The following PSMG2 variants were observed in gnomAD, a reference collection of about 807,000 sequenced individuals.
The protein encoded by PSMG2 is CD40 ligand-activated specific transcript 3.
In PSMG2, 21 loss-of-function variants were observed where a neutral mutation model predicts 31.5. That is an observed-to-expected ratio of 0.67 (90% confidence interval 0.47 to 0.96). The LOEUF (loss-of-function observed/expected upper bound fraction) is 0.96. Among genes scored for constraint, PSMG2 ranks in the 40% least tolerant of loss-of-function variants. The probability of loss-of-function intolerance (pLI) is 0.00; values close to 1 mark genes in which losing one functional copy is unlikely to be tolerated. For synonymous variants in PSMG2, 120 were observed against 110.4 expected, an observed-to-expected ratio of 1.09 and a Z score of -0.54; for missense variants, 318 against 321.2, an observed-to-expected ratio of 0.99 and a Z score of 0.08.
intron 5 of PSMG2, among the ~76,000 whole-genome samples, chr18:12,722,089 C>G (rs905270959): frequency 2.0e-5 from 3 of 152,166 alleles, no homozygotes; most frequent in Admixed American, 2.0e-4. Context: ...AAGGAAGTTG[C>G]GTCTGCACTC....
intron 1 of PSMG2, chr18:12,658,870 G>T: frequency 3.4e-6 from 1 of 293,172 alleles, no homozygotes; most frequent in South Asian, 2.8e-5. Context: ...TACATAATTT[G>T]CAGGTGTTAG....
rs36019439 is a variant in PSMG2, at chr18:12,667,848, CTTTTTT to C, written c.-37+9091_-37+9096del. ...ATAGACCTGCAGGTGCTTTCTGATC[CTTTTTT>C]TTTTTTTTTTTTTTTAAATAGAACA... On this transcript the variant is annotated intron_variant, in intron 1 of 6. Transcript: ENST00000585331. Among the ~76,000 whole-genome samples, 3 of 116,710 alleles carry C rather than the reference CTTTTTT, an allele frequency of 2.6e-5. No homozygotes were observed. In the East Asian group the frequency reaches 7.0e-4, roughly 27 times the overall value. The allele number at this position is 116,710 out of a possible 152,430, so 76.6% of individuals were successfully genotyped here.
At chr18:12,711,958 C>G (rs1398966725) in intron 2 of PSMG2, among the ~76,000 whole-genome samples, 1 of 151,942 alleles carries the variant, frequency 6.6e-6, no homozygotes, top group African/African-American at 2.4e-5. Flanking sequence ...TTTCATTCAC[C>G]ATGTTAGCTA....
intron 1 of PSMG2, among the ~76,000 whole-genome samples, chr18:12,667,018 G>A (rs1419716880): frequency 1.3e-5 from 2 of 150,796 alleles, no homozygotes; most frequent in African/African-American, 2.4e-5. Context: ...AGATGTATAC[G>A]GAAAACAACA....
chr18:12,662,431 C>T (rs2038712011), intron 1 of PSMG2, among the ~76,000 whole-genome samples: 1 of 152,216 alleles, frequency 6.6e-6, no homozygotes, highest in South Asian at 2.1e-4. Context: ...CTGACCAGCT[C>T]AGCTCTTTCT....
upstream of PSMG2, chr18:12,700,885 G>C: frequency 7.9e-7 from 1 of 1,273,098 alleles, no homozygotes; most frequent in Non-Finnish European, 1.1e-6. Flanking sequence ...CCCCACATCG[G>C]AACCTTATAA....
chr18:12,684,688 A>G (rs2039476653), intron 1 of PSMG2: 1 of 151,260 alleles, frequency 6.6e-6, no homozygotes, highest in Non-Finnish European at 1.5e-5. Context: ...TCTCCATGTT[A>G]GCCAGGCTGT....
Position 12,720,580 on chromosome 18 carries a change from T to C in PSMG2, c.478T>C (p.Trp160Arg). The part of the protein sequence containing the change: ...SVQNKIKSLN[W>R]EEMEKSRCIP... ...TCAAAATAAAATAAAGAGCCTTAAC[T>C]GGGAAGAAATGGAAAAAAGCCGGTG... The change falls in exon 5 of 7, where the codon TGG becomes CGG. Residue 160 changes from tryptophan (W) to arginine (R), a missense_variant. Transcript: ENST00000317615. The C allele has an allele frequency of 6.2e-7, 1 of 1,613,640 alleles. No homozygotes were observed. Among genetic ancestry groups the C allele is most frequent in the Non-Finnish European group, 8.5e-7 (1 of 1,179,746 alleles).
chr18:12,713,042 G>A (rs2040346165), intron 3 of PSMG2, among the ~76,000 whole-genome samples: 1 of 152,016 alleles, frequency 6.6e-6, no homozygotes, highest in Admixed American at 6.6e-5. Flanking sequence ...TATTCCATTT[G>A]TATTACCTTT....
intron 1 of PSMG2, among the ~76,000 whole-genome samples, chr18:12,665,991 G>T (rs61407614): frequency 6.8e-6 from 1 of 147,596 alleles, no homozygotes; most frequent in African/African-American, 2.5e-5. Context: ...CACCGTGCCC[G>T]GCCCAACACA....
At chr18:12,709,544 G>A (rs1395035126) in intron 2 of PSMG2, among the ~76,000 whole-genome samples, 2 of 151,346 alleles carry the variant, frequency 1.3e-5, no homozygotes, top group Admixed American at 1.3e-4. Context: ...TGTTGCCCAG[G>A]CTGTAGTGCA....
chr18:12,700,953 C>T (rs2040129861), upstream of PSMG2: 1 of 1,609,234 alleles, frequency 6.2e-7, no homozygotes, highest in Non-Finnish European at 8.5e-7. Flanking sequence ...TAAAAGATTA[C>T]TCACAGTAAC....
At chr18:12,718,012 C>CTTTTTTTTTTTT (rs71174131) in intron 3 of PSMG2, among the ~76,000 whole-genome samples, 1 of 136,470 alleles carries the variant, frequency 7.3e-6, no homozygotes. Flanking sequence ...TTTCTTTTTT[C>CTTTTTTTTTTTT]TTTTTTTTTT....
At chr18:12,672,906 A>G in intron 1 of PSMG2, 9 of 984,554 alleles carry the variant, frequency 9.1e-6, no homozygotes, top group Non-Finnish European at 1.1e-5. Context: ...ATTTATTTTC[A>G]CCAATGCAAT....
At chr18:12,697,927 TTG>T (rs2040012071) in intron 1 of PSMG2, among the ~76,000 whole-genome samples, 1 of 152,134 alleles carries the variant, frequency 6.6e-6, no homozygotes, top group African/African-American at 2.4e-5. Flanking sequence ...AAATCTAAAA[TTG>T]TGAAGACATT....
At chr18:12,708,947 G>T (rs2040298939) in intron 2 of PSMG2, among the ~76,000 whole-genome samples, 1 of 151,950 alleles carries the variant, frequency 6.6e-6, no homozygotes, top group Non-Finnish European at 1.5e-5. Context: ...CCTGATCTCA[G>T]ATGATCCGCC....
chr18:12,715,993 C>T (rs898934310), intron 3 of PSMG2, among the ~76,000 whole-genome samples: 1 of 152,200 alleles, frequency 6.6e-6, no homozygotes, highest in Non-Finnish European at 1.5e-5. Flanking sequence ...TGGTGGAATT[C>T]TGTGGTATAT....
intron 2 of PSMG2, among the ~76,000 whole-genome samples, chr18:12,712,104 TCTAG>T (rs1358536298): frequency 1.3e-5 from 2 of 152,176 alleles, no homozygotes; most frequent in Non-Finnish European, 2.9e-5. Context: ...CTTAAGCATT[TCTAG>T]AGTGTGCCCC....
chr18:12,661,593 G>A (rs1451124859), intron 1 of PSMG2, among the ~76,000 whole-genome samples: 2 of 151,932 alleles, frequency 1.3e-5, no homozygotes, highest in African/African-American at 4.8e-5. Context: ...CCAACATGGT[G>A]AAACCTCGTC....
Sources: gnomAD v4.1 joint callset for allele counts (sites outside exome capture counted in the v4.1 genomes callset) on GRCh38, gnomAD v4.1.1 for gene constraint, MANE v1.5 for transcripts, NCBI Gene and HGNC (gene_info 2026-07-23, HGNC 2026-07-21) for gene names.